The following UIMC1 variants were observed in gnomAD, a reference collection of about 807,000 sequenced individuals.
UIMC1 encodes the protein ubiquitin interaction motif containing 1.
In UIMC1, 42 loss-of-function variants were observed where a neutral mutation model predicts 84.9. That is an observed-to-expected ratio of 0.49 (90% CI 0.39 to 0.64). UIMC1 has a LOEUF of 0.64. UIMC1 is among the 30% of genes least tolerant of loss of function. The pLI, the probability that UIMC1 is intolerant of heterozygous loss-of-function variation, is 0.00. For synonymous variants in UIMC1, 281 were observed against 293.0 expected (o/e 0.96, Z 0.42); for missense variants, 825 against 847.6 (o/e 0.97, Z 0.33).
intron 1 of UIMC1, among the ~76,000 whole-genome samples, chr5:176,985,319 G>A (rs1771798893): frequency 6.6e-6 from 1 of 151,892 alleles, no homozygotes; most frequent in Non-Finnish European, 1.5e-5. Context: ...AGCCGGGCGT[G>A]GTAGCGCATG....
chr5:176,986,157 C>T (rs1245732237), intron 1 of UIMC1, among the ~76,000 whole-genome samples: 1 of 150,882 alleles, frequency 6.6e-6, no homozygotes, highest in Non-Finnish European at 1.5e-5. Context: ...GTCAGGAGTT[C>T]GAGACCAGCC....
At chr5:176,919,252 C>T (rs1761409855) in intron 10 of UIMC1, 1 of 319,188 alleles carries the variant, frequency 3.1e-6, no homozygotes, top group African/African-American at 2.3e-5. Context: ...GCACTCCAGC[C>T]TGGGCAACAG....
chr5:176,915,453 A>G (rs951417397), intron 10 of UIMC1, among the ~76,000 whole-genome samples: 3 of 147,648 alleles, frequency 2.0e-5, no homozygotes, highest in African/African-American at 8.0e-5. Flanking sequence ...ATTTTACAGT[A>G]AATAATTTTT....
chr5:177,001,775 TAA>T (rs1018686028), intron 1 of UIMC1, among the ~76,000 whole-genome samples: 1,544 of 124,256 alleles, frequency 0.012, 9 homozygotes, highest in South Asian at 0.028. Context: ...CCGGCTCTAC[TAA>T]AAAAAAAAAA....
At chr5:176,941,499 T>C (rs1758650006) in intron 10 of UIMC1, among the ~76,000 whole-genome samples, 1 of 152,224 alleles carries the variant, frequency 6.6e-6, no homozygotes, top group South Asian at 2.1e-4. Flanking sequence ...GTTTATGTAC[T>C]TCCTTATTTA....
intron 1 of UIMC1, among the ~76,000 whole-genome samples, chr5:176,990,766 T>C (rs1392903057): frequency 1.3e-5 from 2 of 152,050 alleles, no homozygotes; most frequent in Non-Finnish European, 2.9e-5. Context: ...CTGTAACTCT[T>C]AGGTTCAAAG....
At chr5:176,919,794 A>G (rs1329238693) in intron 10 of UIMC1, among the ~76,000 whole-genome samples, 1 of 152,142 alleles carries the variant, frequency 6.6e-6, no homozygotes, top group Non-Finnish European at 1.5e-5. Flanking sequence ...TCAAAAATCA[A>G]TTGCCCACAA....
chr5:176,948,589 T>C (rs985271342), intron 9 of UIMC1, among the ~76,000 whole-genome samples: 9 of 152,374 alleles, frequency 5.9e-5, no homozygotes, highest in Admixed American at 5.2e-4. Flanking sequence ...TTTATATGTC[T>C]GTCTCCTCCC....
At chr5:176,955,363 C>T (rs748026096) in intron 8 of UIMC1, among the ~76,000 whole-genome samples, 25 of 152,118 alleles carry the variant, frequency 1.6e-4, no homozygotes, top group Non-Finnish European at 2.9e-4. Context: ...AATGACAGAA[C>T]ATGCACAAAA....
chr5:176,913,109 C>T (rs781221482), intron 10 of UIMC1, among the ~76,000 whole-genome samples: 1 of 152,186 alleles, frequency 6.6e-6, no homozygotes, highest in Admixed American at 6.5e-5. Flanking sequence ...TCTTTGAACA[C>T]TTAACAAGCT....
chr5:177,000,332 A>C lies in UIMC1; in HGVS notation c.-9+6318T>G, dbSNP rs867388925. ...GTTTACATTCCCACCAACAGTGTACAAGGGTTCCCTTTACCCCACATCCTT... is the reference window on the plus strand; with the variant it reads ...GTTTACATTCCCACCAACAGTGTACCAGGGTTCCCTTTACCCCACATCCTT... On this transcript the variant is annotated intron_variant, in intron 1 of 14. Transcript: ENST00000511320. Among the ~76,000 whole-genome samples, 7 of 152,130 alleles carry C rather than the reference A, an allele frequency of 4.6e-5. 1 individual carries two copies. In the Middle Eastern group the frequency reaches 0.01, roughly 222 times the overall value.
intron 1 of UIMC1, among the ~76,000 whole-genome samples, chr5:176,984,223 C>T (rs1693426386): frequency 6.9e-6 from 1 of 143,938 alleles, no homozygotes; most frequent in African/African-American, 2.6e-5. Context: ...TGCCCGGCCG[C>T]CCCATCTGGA....
At chr5:176,953,677 GCTTT>G (rs1489738135) in intron 8 of UIMC1, among the ~76,000 whole-genome samples, 17 of 152,246 alleles carry the variant, frequency 1.1e-4, no homozygotes, top group Admixed American at 9.2e-4. Flanking sequence ...CTTCAATTAT[GCTTT>G]CTGTGAATGG....
rs753613169 is a variant in UIMC1, at chr5:176,969,190, T to C, written c.565A>G (p.Thr189Ala). 8.1e-6 allele frequency: 13 copies of C among 1,614,164 alleles called. No homozygotes were observed. The highest frequency in any genetic ancestry group is 1.1e-5 in the Non-Finnish European group (13 of 1,180,026). ...CTGCCAGAGACCGGCTCCTCTTCAGTTTTTTCAGTGTGGTCCCAAGGCTCC... is the reference window on the plus strand; with the variant it reads ...CTGCCAGAGACCGGCTCCTCTTCAGCTTTTTCAGTGTGGTCCCAAGGCTCC... Reference protein sequence around the residue: ...REEPWDHTEKTEEEPVSGSSG... With the variant: ...REEPWDHTEKAEEEPVSGSSG... The change falls in exon 6 of 15, where the codon ACT becomes GCT. Residue 189 changes from threonine (T) to alanine (A), a missense_variant. By Grantham distance (58) the Thr-to-Ala change is moderately conservative (BLOSUM62 0). Transcript: ENST00000511320.
intron 1 of UIMC1, among the ~76,000 whole-genome samples, chr5:177,003,143 T>C (rs1352742366): frequency 6.6e-6 from 1 of 152,118 alleles, no homozygotes; most frequent in African/African-American, 2.4e-5. Context: ...AAGCACTTTA[T>C]CAACTAATTA....
intron 1 of UIMC1, among the ~76,000 whole-genome samples, chr5:177,020,819 T>C (rs1775779498): frequency 6.6e-6 from 1 of 152,174 alleles, no homozygotes; most frequent in Non-Finnish European, 1.5e-5. Context: ...TATATTTCCA[T>C]GCTCAAAATA....
chr5:176,978,899 TA>T (rs1770566518), intron 2 of UIMC1, among the ~76,000 whole-genome samples: 1 of 151,998 alleles, frequency 6.6e-6, no homozygotes, highest in South Asian at 2.1e-4. Context: ...ACATCAGAAG[TA>T]AAAGATGTGC....
At chr5:176,949,838 T>A (rs984658791) in intron 9 of UIMC1, among the ~76,000 whole-genome samples, 1 of 152,076 alleles carries the variant, frequency 6.6e-6, no homozygotes, top group Non-Finnish European at 1.5e-5. Context: ...GTGGATCACC[T>A]GAGGTCAGGA....
At chr5:176,989,973 G>A (rs553716225) in intron 1 of UIMC1, among the ~76,000 whole-genome samples, 6 of 152,152 alleles carry the variant, frequency 3.9e-5, no homozygotes, top group African/African-American at 9.6e-5. Flanking sequence ...GAGGTCAGGA[G>A]ATCGAGACCA....
Sources: gnomAD v4.1 joint callset for allele counts (sites outside exome capture counted in the v4.1 genomes callset) on GRCh38, gnomAD v4.1.1 for gene constraint, MANE v1.5 for transcripts, NCBI Gene and HGNC (gene_info 2026-07-23, HGNC 2026-07-21) for gene names.